TBC1D12: variants seen among roughly 807,000 people sequenced by gnomAD.
The protein encoded by TBC1D12 is TBC1 domain family member 12, also known as TBC1 domain family, member 12.
Under a neutral mutation model 86.7 loss-of-function variants are expected in TBC1D12, and 56 were observed. The observed-to-expected ratio is 0.65, with a 90% CI of 0.52 to 0.81. The LOEUF (loss-of-function observed/expected upper bound fraction) is 0.81, where lower values mean the gene tolerates loss of function less well. TBC1D12 is among the 30% of genes least tolerant of loss of function. The pLI, the probability that TBC1D12 is intolerant of heterozygous loss-of-function variation, is 0.00. For missense variants in TBC1D12, 1,023 were observed against 1,038.8 expected, an observed-to-expected ratio of 0.98 and a Z score of 0.21; for synonymous variants, 421 against 411.7, an observed-to-expected ratio of 1.02 and a Z score of -0.27.
chr10:94,433,231 G>A (rs1222933884), intron 1 of TBC1D12, among the ~76,000 whole-genome samples: 1 of 151,938 alleles, frequency 6.6e-6, no homozygotes, highest in African/African-American at 2.4e-5. Flanking sequence ...CGATTCTCCT[G>A]CCCCAGCCTC....
intron 5 of TBC1D12, among the ~76,000 whole-genome samples, chr10:94,498,774 GT>G (rs796852521): frequency 2.7e-4 from 39 of 143,058 alleles, no homozygotes; most frequent in East Asian, 1.0e-3. Flanking sequence ...TTTTTTGAGG[GT>G]TTTTTTTTTT....
intron 9 of TBC1D12, among the ~76,000 whole-genome samples, chr10:94,516,421 G>GT (rs1000295714): frequency 5.3e-5 from 8 of 151,324 alleles, no homozygotes; most frequent in South Asian, 2.1e-4. Context: ...AACTTTTTTT[G>GT]TTTTTTTTAA....
intron 1 of TBC1D12, among the ~76,000 whole-genome samples, chr10:94,407,396 A>T (rs1033992489): frequency 6.6e-6 from 1 of 152,166 alleles, no homozygotes; most frequent in African/African-American, 2.4e-5. Context: ...AAAAATTGAA[A>T]TGCAGCTGGG....
At chr10:94,436,931 C>G (rs1159440087) in intron 1 of TBC1D12, among the ~76,000 whole-genome samples, 1 of 151,970 alleles carries the variant, frequency 6.6e-6, no homozygotes, top group South Asian at 2.1e-4. Context: ...TGGTCTCTAT[C>G]TCTTGACCTC....
intron 1 of TBC1D12, among the ~76,000 whole-genome samples, chr10:94,434,504 TA>T (rs78126071): frequency 0.032 from 4,300 of 135,136 alleles, 149 homozygotes; most frequent in African/African-American, 0.091. Context: ...AGACTCCATT[TA>T]AAAAAAAAAA....
chr10:94,449,943 G>A (rs992719766), intron 2 of TBC1D12, among the ~76,000 whole-genome samples: 1 of 152,022 alleles, frequency 6.6e-6, no homozygotes, highest in East Asian at 1.9e-4. Context: ...AATCGCTTTC[G>A]CTACAAAACG....
rs139195849 is a variant in TBC1D12 at position 94,408,540 on chromosome 10, C to A, written c.971+4956C>A. On this transcript the variant is annotated intron_variant, in intron 1 of 12. Coordinates refer to ENST00000225235, the MANE Select transcript of TBC1D12 (RefSeq NM_015188.2). ...ATATGACATGGAAAAATCTAAATTC[C>A]TATAGGTATAGTTTTTTCTTAATTT... Among the ~76,000 whole-genome samples, 8 of 152,106 alleles carry A rather than the reference C, an allele frequency of 5.3e-5. No individual in the cohort carries two copies. In the East Asian group the frequency reaches 1.5e-3, roughly 29 times the overall value.
chr10:94,483,732 GTT>G, intron 3 of TBC1D12, among the ~76,000 whole-genome samples: 1 of 150,038 alleles, frequency 6.7e-6, no homozygotes, highest in South Asian at 2.1e-4. Context: ...TTTTGTTTTT[GTT>G]TTTTTTTGTT....
rs2054789532 is a variant in TBC1D12, at chr10:94,402,963, A to T, written c.350A>T (p.His117Leu). Residue 117 changes from histidine to leucine, a missense_variant, in exon 1 of 13, where the codon CAC (histidine) becomes CTC (leucine). By Grantham distance (99) the His-to-Leu change is moderately conservative (BLOSUM62 -3). This residue lies in a region of TBC1D12 where 628 missense variants were observed against 531.1 expected (regional missense o/e 1.18). Transcript: ENST00000225235. ...DACLLGSGSK[H>L]RGAEVADGRA... ...TGCCTGCTGGGCTCGGGCTCCAAACACCGCGGCGCGGAGGTGGCTGATGGC... is the reference window on the plus strand; with the variant it reads ...TGCCTGCTGGGCTCGGGCTCCAAACTCCGCGGCGCGGAGGTGGCTGATGGC... 10 of 1,572,988 alleles carry T rather than the reference A, an allele frequency of 6.4e-6. No homozygotes were observed. Among genetic ancestry groups the T allele is most frequent in the Non-Finnish European group, 8.6e-6 (10 of 1,164,602 alleles).
intron 1 of TBC1D12, among the ~76,000 whole-genome samples, chr10:94,405,569 T>G (rs1329228712): frequency 6.6e-6 from 1 of 152,112 alleles, no homozygotes; most frequent in Non-Finnish European, 1.5e-5. Flanking sequence ...TGTGTGGCCT[T>G]TGGGTGTTTG....
intron 3 of TBC1D12, 88 bp downstream of exon 3, chr10:94,474,871 G>T (rs1440027778): frequency 1.7e-6 from 2 of 1,177,662 alleles, no homozygotes; most frequent in African/African-American, 3.1e-5. Flanking sequence ...TAGCGAGAAA[G>T]ATATTGAGAA....
At chr10:94,483,418 G>A (rs1376257495) in intron 3 of TBC1D12, among the ~76,000 whole-genome samples, 1 of 152,054 alleles carries the variant, frequency 6.6e-6, no homozygotes, top group African/African-American at 2.4e-5. Context: ...GTCCTCTTCA[G>A]CATTTGATAT....
chr10:94,530,854 CTTTTTTTTTTTT>C (rs71031584), intron 11 of TBC1D12, among the ~76,000 whole-genome samples: 1 of 102,662 alleles, frequency 9.7e-6, no homozygotes, highest in African/African-American at 3.8e-5. Flanking sequence ...GGGAGGAAGC[CTTTTTTTTTTTT>C]TTTTTTTTTT....
intron 1 of TBC1D12, among the ~76,000 whole-genome samples, chr10:94,434,278 G>A (rs2055262034): frequency 1.3e-5 from 2 of 152,118 alleles, no homozygotes; most frequent in African/African-American, 2.4e-5. Context: ...GGCCGAGGCA[G>A]GTGGATCACT....
intron 2 of TBC1D12, among the ~76,000 whole-genome samples, chr10:94,466,179 T>C (rs2055821316): frequency 6.6e-6 from 1 of 152,102 alleles, no homozygotes; most frequent in Admixed American, 6.6e-5. Context: ...AGTGTACTGC[T>C]GTTTACCTCC....
At chr10:94,447,648 CT>C in intron 2 of TBC1D12, 1 of 984,972 alleles carries the variant, frequency 1.0e-6, no homozygotes, top group South Asian at 4.7e-5. Flanking sequence ...TGAAATTCCG[CT>C]TGTGGCCTTT....
chr10:94,487,204 G>A (rs2056176562), intron 3 of TBC1D12, among the ~76,000 whole-genome samples: 1 of 148,734 alleles, frequency 6.7e-6, no homozygotes, highest in Non-Finnish European at 1.5e-5. Context: ...TGTCTTTATA[G>A]GTGAAGGGTG....
intron 2 of TBC1D12, among the ~76,000 whole-genome samples, chr10:94,444,494 C>A (rs1250753672): frequency 6.6e-6 from 1 of 151,966 alleles, no homozygotes; most frequent in East Asian, 1.9e-4. Context: ...ACCAAGTTCG[C>A]CCTCTAGAGG....
chr10:94,511,838 T>C (rs1442342426), intron 9 of TBC1D12, among the ~76,000 whole-genome samples, 184 bp downstream of exon 9: 2 of 152,230 alleles, frequency 1.3e-5, no homozygotes, highest in Non-Finnish European at 2.9e-5. Flanking sequence ...TACTTGAGGC[T>C]GCCAGCTTTC....
Sources: allele counts gnomAD v4.1 joint callset (sites outside exome capture counted in the v4.1 genomes callset), GRCh38; gene constraint gnomAD v4.1.1; regional missense constraint gnomAD v4.1.1; transcripts MANE v1.5; gene names NCBI Gene and HGNC (gene_info 2026-07-23, HGNC 2026-07-21).